CCDC141: variants seen among roughly 807,000 people sequenced by gnomAD.
CCDC141 encodes coiled-coil domain-containing protein 141.
CCDC141 carries 168 observed loss-of-function variants against 181.0 expected under a neutral mutation model. The observed-to-expected ratio is 0.93, with a 90% CI of 0.82 to 1.05. CCDC141 has a LOEUF of 1.05. Ranked by LOEUF, CCDC141 falls within the 50% of genes least tolerant of loss-of-function variation. The probability of loss-of-function intolerance (pLI) is 0.00; values close to 1 mark genes in which losing one functional copy is unlikely to be tolerated. For synonymous variants in CCDC141, 666 were observed against 642.3 expected (o/e 1.04, Z -0.56); for missense variants, 1,902 against 1,788.5 (o/e 1.06, Z -1.14).
At chr2:179,024,753 T>C (rs2042785088) in intron 2 of CCDC141, among the ~76,000 whole-genome samples, 1 of 152,236 alleles carries the variant, frequency 6.6e-6, no homozygotes, top group South Asian at 2.1e-4. Context: ...ATGTTTGTGA[T>C]GGGACCCTGA....
chr2:178,941,253 C>A (rs977122412), intron 6 of CCDC141, among the ~76,000 whole-genome samples: 2 of 152,146 alleles, frequency 1.3e-5, no homozygotes, highest in African/African-American at 2.4e-5. Context: ...TCTGTTCAAA[C>A]CCCATCCTTC....
Position 179,015,100 on chromosome 2 carries a change from A to C in CCDC141, c.225+32184T>G, listed in dbSNP as rs2042412001. Among the ~76,000 whole-genome samples, 2 of 30,344 alleles carry C rather than the reference A, an allele frequency of 6.6e-5. 1 individual carries two copies. Among genetic ancestry groups the C allele is most frequent in the Non-Finnish European group, 2.4e-4 (2 of 8,318 alleles). 19.9% of individuals were successfully genotyped at this position (30,344 alleles called of 152,430 possible). On this transcript the variant is annotated intron_variant, in intron 2 of 23. Coordinates refer to ENST00000443758, the MANE Select transcript of CCDC141 (RefSeq NM_173648.4). ...TATATATATATATATATATATATAT[A>C]TATAATATATATATAATCATATATA...
At chr2:178,900,422 A>G (rs1470323258) in intron 8 of CCDC141, among the ~76,000 whole-genome samples, 2 of 152,192 alleles carry the variant, frequency 1.3e-5, no homozygotes, top group Admixed American at 1.3e-4. Context: ...GTCAAAAACA[A>G]TGCCATGACA....
At chr2:178,978,286 T>C (rs1691213048) in intron 3 of CCDC141, among the ~76,000 whole-genome samples, 198 bp downstream of exon 3, 1 of 152,156 alleles carries the variant, frequency 6.6e-6, no homozygotes, top group Non-Finnish European at 1.5e-5. Context: ...TTTGTTTTTG[T>C]TTGAAGATCT....
intron 6 of CCDC141, among the ~76,000 whole-genome samples, chr2:178,921,328 C>T (rs76415716): frequency 0.023 from 3,511 of 152,312 alleles, 101 homozygotes; most frequent in East Asian, 0.13. Flanking sequence ...AGTACAATTT[C>T]TGGCACACAT....
intron 22 of CCDC141, among the ~76,000 whole-genome samples, chr2:178,840,039 A>G (rs1270248254): frequency 6.6e-6 from 1 of 152,212 alleles, no homozygotes; most frequent in Non-Finnish European, 1.5e-5. Context: ...TATATGTAGC[A>G]AAGATCTGCC....
chr2:179,047,994 G>A (rs1023189542), intron 1 of CCDC141, among the ~76,000 whole-genome samples: 1 of 152,182 alleles, frequency 6.6e-6, no homozygotes, highest in African/African-American at 2.4e-5. Context: ...ATTAAAGCGT[G>A]TAGGAAAATA....
At chr2:179,048,733 G>A (rs2043581804) in intron 1 of CCDC141, among the ~76,000 whole-genome samples, 1 of 152,176 alleles carries the variant, frequency 6.6e-6, no homozygotes, top group Non-Finnish European at 1.5e-5. Context: ...GAAGTCAGCA[G>A]AGGCCTGGTT....
chr2:178,861,858 T>C (rs1468993371), intron 17 of CCDC141, among the ~76,000 whole-genome samples: 1 of 152,074 alleles, frequency 6.6e-6, no homozygotes, highest in Admixed American at 6.5e-5. Context: ...TTAAAGAAAA[T>C]AATGAATTCA....
chr2:178,890,004 T>C (rs1687071481), intron 8 of CCDC141, among the ~76,000 whole-genome samples: 1 of 152,200 alleles, frequency 6.6e-6, no homozygotes, highest in African/African-American at 2.4e-5. Flanking sequence ...TTTGAAATAT[T>C]ATATGCTCAA....
chr2:179,009,948 A>T (rs1440214450), intron 2 of CCDC141, among the ~76,000 whole-genome samples: 2 of 152,192 alleles, frequency 1.3e-5, no homozygotes, highest in East Asian at 3.8e-4. Context: ...GATAGCTTAA[A>T]GAAAAGATAA....
At chr2:178,977,725 CATA>C in intron 3 of CCDC141, among the ~76,000 whole-genome samples, 1 of 152,256 alleles carries the variant, frequency 6.6e-6, no homozygotes, top group Non-Finnish European at 1.5e-5. Context: ...AATGCTTTAT[CATA>C]ATGAAGCAGT....
intron 6 of CCDC141, 40 bp from the exon 7 acceptor site, chr2:178,918,947 G>A (rs1558980485): frequency 6.7e-7 from 1 of 1,498,632 alleles, no homozygotes; most frequent in African/African-American, 1.4e-5. Flanking sequence ...CATCTCCTCT[G>A]TTATGGACCG....
intron 6 of CCDC141, among the ~76,000 whole-genome samples, chr2:178,929,341 T>A (rs1022708463): frequency 6.6e-6 from 1 of 152,178 alleles, no homozygotes; most frequent in African/African-American, 2.4e-5. Context: ...TCTGCTTTTT[T>A]ATACAGGTTA....
chr2:178,905,101 G>A (rs1285473902), intron 8 of CCDC141, among the ~76,000 whole-genome samples: 1 of 152,134 alleles, frequency 6.6e-6, no homozygotes, highest in East Asian at 1.9e-4. Flanking sequence ...TAAACAGAAA[G>A]CTTTAGCATA....
At chr2:179,029,502 T>C (rs2042946652) in intron 2 of CCDC141, among the ~76,000 whole-genome samples, 2 of 152,216 alleles carry the variant, frequency 1.3e-5, no homozygotes, top group Admixed American at 1.3e-4. Flanking sequence ...GTAACCATTA[T>C]TGCTTCTATA....
At chr2:179,044,811 C>T (rs1446668337) in intron 2 of CCDC141, among the ~76,000 whole-genome samples, 1 of 152,114 alleles carries the variant, frequency 6.6e-6, no homozygotes, top group Non-Finnish European at 1.5e-5. Flanking sequence ...TTCTACAGTT[C>T]ATGGAATTGG....
At chr2:178,920,966 A>G (rs1688664257) in intron 6 of CCDC141, among the ~76,000 whole-genome samples, 1 of 152,104 alleles carries the variant, frequency 6.6e-6, no homozygotes, top group African/African-American at 2.4e-5. Flanking sequence ...AGATATTATT[A>G]TTTTTTCTAG....
chr2:179,016,889 C>T (rs376960375), intron 2 of CCDC141, among the ~76,000 whole-genome samples: 7 of 152,028 alleles, frequency 4.6e-5, no homozygotes, highest in Middle Eastern at 3.4e-3. Context: ...AAAGGTGCTA[C>T]GTATGCTGAA....
Sources: gnomAD v4.1 joint callset for allele counts (sites outside exome capture counted in the v4.1 genomes callset) on GRCh38, gnomAD v4.1.1 for gene constraint, MANE v1.5 for transcripts, NCBI Gene and HGNC (gene_info 2026-07-23, HGNC 2026-07-21) for gene names.